Variants in STEAP1B observed in about 807,000 individuals in gnomAD.
STEAP1B encodes STEAP family protein MGC87042.
STEAP1B carries 13 observed loss-of-function variants against 27.9 expected under a neutral mutation model. The observed-to-expected ratio is 0.47, with a 90% CI of 0.30 to 0.74. The LOEUF is 0.74. STEAP1B is among the 30% of genes least tolerant of loss of function. STEAP1B has a pLI of 0.06. For synonymous variants in STEAP1B, 86 were observed against 107.1 expected, an observed-to-expected ratio of 0.80 and a Z score of 1.22; for missense variants, 250 against 298.7, an observed-to-expected ratio of 0.84 and a Z score of 1.20.
intron 4 of STEAP1B, among the ~76,000 whole-genome samples, chr7:22,455,108 C>A (rs1424354693): frequency 6.6e-6 from 1 of 152,040 alleles, no homozygotes; most frequent in Non-Finnish European, 1.5e-5. Context: ...CGTGATCCAC[C>A]TGCCTCGGCC....
At chr7:22,453,631 A>G (rs1300964204) in intron 4 of STEAP1B, among the ~76,000 whole-genome samples, 1 of 152,214 alleles carries the variant, frequency 6.6e-6, no homozygotes, top group Non-Finnish European at 1.5e-5. Context: ...ATAAATATAT[A>G]CCTATGTAAC....
At position 22,493,329 on chromosome 7, in the gene STEAP1B, G is replaced by T. The variant is rs560278080; in HGVS notation, c.592C>A (p.Gln198Lys). 2 of 1,611,030 alleles carry T rather than the reference G, an allele frequency of 1.2e-6. No homozygotes were observed. Among genetic ancestry groups the T allele is most frequent in the Non-Finnish European group, 1.7e-6 (2 of 1,177,526 alleles). The change falls in exon 3 of 5, where the codon CAA (glutamine) becomes AAA (lysine). Residue 198 changes from glutamine (Q) to lysine (K), a missense_variant. Transcript: ENST00000678116. ...TGACATCATTGTCATCTCACCTGTT[G>T]ATATGCCCAGTTTAGCAACTTGTAT... ...YRYKLLNWAY[Q>K]QVQQNKEDAW...
chr7:22,437,414 T>C (rs976508192), intron 4 of STEAP1B, among the ~76,000 whole-genome samples: 1 of 152,264 alleles, frequency 6.6e-6, no homozygotes, highest in Non-Finnish European at 1.5e-5. Flanking sequence ...TTCATCCATG[T>C]TGTCACATAT....
intron 4 of STEAP1B, among the ~76,000 whole-genome samples, chr7:22,455,488 T>G (rs1785563448): frequency 6.6e-6 from 1 of 152,246 alleles, no homozygotes; most frequent in South Asian, 2.1e-4. Flanking sequence ...GTAAAGATGT[T>G]GAGCAGCTTT....
chr7:22,496,435 G>A (rs1480519685), intron 1 of STEAP1B, among the ~76,000 whole-genome samples: 1 of 152,172 alleles, frequency 6.6e-6, no homozygotes, highest in African/African-American at 2.4e-5. Context: ...GTAGTGTACA[G>A]TAATGTCCCA....
At chr7:22,495,083 A>G (rs1044167325) in intron 1 of STEAP1B, among the ~76,000 whole-genome samples, 197 bp from the exon 2 acceptor site, 3 of 152,256 alleles carry the variant, frequency 2.0e-5, no homozygotes, top group African/African-American at 7.2e-5. Context: ...TCTTATCAAC[A>G]GTAACTGCTC....
At position 22,419,786 on chromosome 7, in the gene STEAP1B, T is replaced by C. The variant is rs765876992; in HGVS notation, c.*18A>G. On this transcript the variant is annotated 3_prime_UTR_variant, in exon 5 of 5. Coordinates refer to ENST00000678116, the MANE Select transcript of STEAP1B (RefSeq NM_001382447.1). The stretch of plus-strand genomic sequence containing the variant: ...AAAGCCTCGTTCTCATTTCCTCTCA[T>C]GTTACTGGCAGGATCTGTCACAAGG... 1.9e-5 allele frequency: 29 copies of C among 1,549,410 alleles called. No individual in the cohort carries two copies. Among genetic ancestry groups the C allele is most frequent in the Non-Finnish European group, 2.4e-5 (28 of 1,145,710 alleles).
In STEAP1B at chr7:22,492,821, T is replaced by C. The variant is rs867065394; in HGVS notation, c.598-92A>G. 6 of 1,464,830 alleles carry C rather than the reference T, an allele frequency of 4.1e-6. No homozygotes were observed. In the African/African-American group the frequency reaches 8.5e-5, roughly 21 times the overall value. 90.7% of individuals were successfully genotyped at this position (1,464,830 alleles called of 1,614,324 possible). The stretch of plus-strand genomic sequence containing the variant: ...TCTACACTCTTCCCTGTGTGTACTA[T>C]GAAGCCCTGATAACAGGTCTCCACA... On this transcript the variant is annotated intron_variant, in intron 3 of 4. Coordinates refer to ENST00000678116, the MANE Select transcript of STEAP1B (RefSeq NM_001382447.1).
At chr7:22,475,358 T>C (rs1353303979) in intron 4 of STEAP1B, among the ~76,000 whole-genome samples, 1 of 152,242 alleles carries the variant, frequency 6.6e-6, no homozygotes, top group Admixed American at 6.5e-5. Context: ...TGCACGCACC[T>C]GTCCATGTGG....
At position 22,424,389 on chromosome 7, in the gene STEAP1B, C is replaced by T. The variant is rs548147039; in HGVS notation, c.763-4553G>A. On this transcript the variant is annotated intron_variant, in intron 4 of 4. Transcript: ENST00000678116. ...AGCTCACCACCCCTTTGAAAAATGA[C>T]GAATAAACAAAGGAAAATATATTCA... 4.6e-5 allele frequency among the ~76,000 whole-genome samples: 7 copies of T among 151,898 alleles called. No individual in the cohort carries two copies. The East Asian group carries it at 5.8e-4, about 13-fold the overall frequency.
intron 1 of STEAP1B, among the ~76,000 whole-genome samples, chr7:22,497,701 C>G (rs985750671): frequency 3.9e-5 from 6 of 152,154 alleles, no homozygotes; most frequent in Admixed American, 1.3e-4. Flanking sequence ...AGGCTGTTCT[C>G]GCACTGCTAT....
In STEAP1B at chr7:22,427,850, G is replaced by A. The variant is rs561390461; in HGVS notation, c.763-8014C>T. Among the ~76,000 whole-genome samples, 34 of 152,212 alleles carry A rather than the reference G, an allele frequency of 2.2e-4. 1 individual carries two copies. The highest frequency in any genetic ancestry group is 1.8e-3 in the Admixed American group (27 of 15,280). Reference sequence around the variant, plus strand: ...CTGCCAAGGTAATGAGGAAAGGTACGAGTAGAGAAATAGTAGAAATCAAAG... The same window carrying A: ...CTGCCAAGGTAATGAGGAAAGGTACAAGTAGAGAAATAGTAGAAATCAAAG... On this transcript the variant is annotated intron_variant, in intron 4 of 4. Coordinates refer to ENST00000678116, the MANE Select transcript of STEAP1B (RefSeq NM_001382447.1).
chr7:22,420,780 G>C (rs746993344), intron 4 of STEAP1B, among the ~76,000 whole-genome samples: 5 of 152,154 alleles, frequency 3.3e-5, no homozygotes, highest in Non-Finnish European at 7.3e-5. Context: ...CTTGGTATTT[G>C]CCTGGCATAT....
At chr7:22,434,119 C>T (rs1018920216) in intron 4 of STEAP1B, among the ~76,000 whole-genome samples, 3 of 152,218 alleles carry the variant, frequency 2.0e-5, no homozygotes, top group African/African-American at 7.2e-5. Flanking sequence ...GAGATAATTG[C>T]ATCAAAGGGA....
intron 4 of STEAP1B, among the ~76,000 whole-genome samples, chr7:22,479,820 G>A (rs1273294667): frequency 7.1e-6 from 1 of 141,380 alleles, no homozygotes; most frequent in Non-Finnish European, 1.5e-5. Flanking sequence ...GAGTAGCTGG[G>A]GTTACAGGCA....
chr7:22,443,690 T>C (rs1203205598), intron 4 of STEAP1B, among the ~76,000 whole-genome samples: 1 of 152,218 alleles, frequency 6.6e-6, no homozygotes, highest in Non-Finnish European at 1.5e-5. Context: ...GAAAGGAAAC[T>C]GCACGTGGAT....
At chr7:22,479,719 C>T (rs1183561548) in intron 4 of STEAP1B, among the ~76,000 whole-genome samples, 1 of 137,466 alleles carries the variant, frequency 7.3e-6, no homozygotes, top group African/African-American at 2.9e-5. Context: ...GACTCCCACT[C>T]TGTTACCCAG....
intron 4 of STEAP1B, among the ~76,000 whole-genome samples, chr7:22,483,710 T>C (rs1786126248): frequency 6.6e-6 from 1 of 152,202 alleles, no homozygotes; most frequent in Non-Finnish European, 1.5e-5. Flanking sequence ...AACTCTGCCT[T>C]TCACTTAAAG....
intron 4 of STEAP1B, among the ~76,000 whole-genome samples, chr7:22,484,233 A>G (rs1786135669): frequency 6.6e-6 from 1 of 152,184 alleles, no homozygotes; most frequent in Non-Finnish European, 1.5e-5. Context: ...CATCTAGGAG[A>G]AGTTCATGCC....
Sources: gnomAD v4.1 joint callset for allele counts (sites outside exome capture counted in the v4.1 genomes callset) on GRCh38, gnomAD v4.1.1 for gene constraint, MANE v1.5 for transcripts, NCBI Gene and HGNC (gene_info 2026-07-23, HGNC 2026-07-21) for gene names.